The following LARGE1 variants were observed in gnomAD, a reference collection of about 807,000 sequenced individuals.
The protein encoded by LARGE1 is xylosyl- and glucuronyltransferase LARGE1.
A neutral mutation model predicts 87.6 loss-of-function variants in LARGE1; 43 were observed. That is an observed-to-expected ratio of 0.49 (90% CI 0.38 to 0.63). The LOEUF (loss-of-function observed/expected upper bound fraction) is 0.63, where lower values mean the gene tolerates loss of function less well. Ranked by LOEUF, LARGE1 falls within the 30% of genes least tolerant of loss-of-function variation. LARGE1 has a pLI of 0.00. For missense variants in LARGE1, 802 were observed against 1,000.2 expected (o/e 0.80, Z 2.67); for synonymous variants, 434 against 394.6 (o/e 1.10, Z -1.18).
intron 11 of LARGE1, among the ~76,000 whole-genome samples, chr22:33,263,188 C>T (rs563875660): frequency 3.3e-5 from 5 of 152,272 alleles, no homozygotes; most frequent in African/African-American, 9.6e-5. Flanking sequence ...CCACTGTGCC[C>T]GGCCGACATC....
chr22:33,557,031 C>G (rs906931587), intron 6 of LARGE1, among the ~76,000 whole-genome samples: 4 of 151,942 alleles, frequency 2.6e-5, no homozygotes, highest in African/African-American at 9.7e-5. Context: ...CTGAGACATA[C>G]AAAGAAAAGA....
At chr22:33,148,518 A>G in the LARGE1 span, among the ~76,000 whole-genome samples, 1 of 152,264 alleles carries the variant, frequency 6.6e-6, no homozygotes, top group South Asian at 2.1e-4. Flanking sequence ...GGCTATAACA[A>G]ATAAAACTCC....
At chr22:33,241,377 C>T (rs1345253577) in intron 11 of LARGE1, among the ~76,000 whole-genome samples, 4 of 152,112 alleles carry the variant, frequency 2.6e-5, no homozygotes, top group Non-Finnish European at 5.9e-5. Flanking sequence ...GGCAATTCCT[C>T]GTTGCAGCAC....
intron 11 of LARGE1, among the ~76,000 whole-genome samples, chr22:33,167,563 A>G (rs768182432): frequency 6.6e-6 from 1 of 152,190 alleles, no homozygotes; most frequent in Non-Finnish European, 1.5e-5. Flanking sequence ...TATTCCTAAC[A>G]GGTAAGGTTC....
At chr22:33,675,292 CAAAAAAAAAAAAA>C (rs71320987) in intron 2 of LARGE1, among the ~76,000 whole-genome samples, 12 of 32,918 alleles carry the variant, frequency 3.6e-4, no homozygotes, top group Admixed American at 3.6e-3. Context: ...GAAACTCCAT[CAAAAAAAAAAAAA>C]AAAAAAAAAA....
chr22:33,108,124 T>C, the LARGE1 span, among the ~76,000 whole-genome samples: 1 of 152,180 alleles, frequency 6.6e-6, no homozygotes, highest in African/African-American at 2.4e-5. Flanking sequence ...ATGTGTGCCG[T>C]TGTAACTATA....
intron 9 of LARGE1, among the ~76,000 whole-genome samples, chr22:33,340,672 G>A (rs1157880476): frequency 6.6e-6 from 1 of 151,830 alleles, no homozygotes; most frequent in Non-Finnish European, 1.5e-5. Context: ...CCCTTGACTG[G>A]GAGCCTTCTC....
At chr22:33,756,524 A>C (rs745430647) in intron 2 of LARGE1, among the ~76,000 whole-genome samples, 4 of 152,176 alleles carry the variant, frequency 2.6e-5, no homozygotes, top group Non-Finnish European at 5.9e-5. Flanking sequence ...AGGCAGCCAG[A>C]CAAAGAAGAG....
rs939552036 is a variant in LARGE1 at position 33,273,823 on chromosome 22, A to C, written c.*604T>G. 2.5e-6 allele frequency: 1 copy of C among 393,042 alleles called. No homozygotes were observed. Among genetic ancestry groups the C allele is most frequent in the Non-Finnish European group, 4.5e-6 (1 of 223,508 alleles). The allele number at this position is 393,042 out of a possible 1,614,324, so 24.3% of individuals were successfully genotyped here. On this transcript the variant is annotated 3_prime_UTR_variant, in exon 15 of 15. Coordinates refer to ENST00000397394, the MANE Select transcript of LARGE1 (RefSeq NM_133642.5). ...AAAACCCCCAAAGAAAAACAAAACAAAACAGGAGTGACTTTGGGGATAAGG... is the reference window on the plus strand; with the variant it reads ...AAAACCCCCAAAGAAAAACAAAACACAACAGGAGTGACTTTGGGGATAAGG...
intron 5 of LARGE1, among the ~76,000 whole-genome samples, chr22:33,589,119 TAGTA>T (rs1262200262): frequency 1.3e-5 from 2 of 152,182 alleles, no homozygotes; most frequent in African/African-American, 4.8e-5. Context: ...AGTTCAACTG[TAGTA>T]AGTGAGGAGG....
At chr22:33,464,421 T>C (rs1222616638) in intron 6 of LARGE1, among the ~76,000 whole-genome samples, 1 of 151,976 alleles carries the variant, frequency 6.6e-6, no homozygotes. Context: ...TCATAAGACA[T>C]CATAAAAATT....
At chr22:33,304,958 A>T (rs1934671311) in intron 11 of LARGE1, among the ~76,000 whole-genome samples, 1 of 152,202 alleles carries the variant, frequency 6.6e-6, no homozygotes, top group South Asian at 2.1e-4. Flanking sequence ...CAGTAAACAC[A>T]AGAGCTACAA....
At chr22:33,818,271 A>C (rs1031289587) in intron 1 of LARGE1, among the ~76,000 whole-genome samples, 1 of 152,156 alleles carries the variant, frequency 6.6e-6, no homozygotes, top group Non-Finnish European at 1.5e-5. Context: ...ATCCGAAATC[A>C]TCGTATTTGC....
chr22:33,592,403 C>T (rs2148924615), intron 5 of LARGE1, among the ~76,000 whole-genome samples: 1 of 151,964 alleles, frequency 6.6e-6, no homozygotes, highest in Non-Finnish European at 1.5e-5. Context: ...AGATCTAATT[C>T]TACTTATTTC....
At chr22:33,748,255 C>A (rs1308383862) in intron 2 of LARGE1, among the ~76,000 whole-genome samples, 1 of 151,624 alleles carries the variant, frequency 6.6e-6, no homozygotes, top group Non-Finnish European at 1.5e-5. Flanking sequence ...CCTCAGCCTC[C>A]CGAGTAGCTG....
At chr22:33,803,168 A>C (rs1416151501) in intron 1 of LARGE1, among the ~76,000 whole-genome samples, 1 of 152,164 alleles carries the variant, frequency 6.6e-6, no homozygotes, top group Admixed American at 6.5e-5. Flanking sequence ...AATAAAAGCT[A>C]CTATTACATT....
intron 6 of LARGE1, among the ~76,000 whole-genome samples, chr22:33,505,750 T>C (rs1323551842): frequency 6.6e-6 from 1 of 152,170 alleles, no homozygotes; most frequent in Non-Finnish European, 1.5e-5. Flanking sequence ...CATCCCAGGC[T>C]TTCAGGATTC....
intron 8 of LARGE1, among the ~76,000 whole-genome samples, chr22:33,383,244 TGAG>T (rs749809786): frequency 1.1e-4 from 17 of 152,080 alleles, no homozygotes; most frequent in Non-Finnish European, 2.2e-4. Context: ...GACGTCAAAA[TGAG>T]GAATAGGTTT....
chr22:33,464,185 T>C (rs780796519), intron 6 of LARGE1, among the ~76,000 whole-genome samples: 5 of 152,064 alleles, frequency 3.3e-5, no homozygotes, highest in Admixed American at 2.0e-4. Flanking sequence ...GAAAAGGTAA[T>C]GAAAAAAATC....
Sources: allele counts gnomAD v4.1 joint callset (sites outside exome capture counted in the v4.1 genomes callset), GRCh38; gene constraint gnomAD v4.1.1; transcripts MANE v1.5; gene names NCBI Gene and HGNC (gene_info 2026-07-23, HGNC 2026-07-21).